The following NELL1 variants were observed in gnomAD, a reference collection of about 807,000 sequenced individuals.
NELL1 encodes neural EGFL like 1.
Under a neutral mutation model 107.4 loss-of-function variants are expected in NELL1, and 76 were observed. The ratio of observed to expected loss-of-function variants is 0.71; its 90% CI spans 0.59 to 0.86. The LOEUF is 0.86. NELL1 is among the 40% of genes least tolerant of loss of function. NELL1 has a pLI of 0.00. For synonymous variants in NELL1, 353 were observed against 341.2 expected, an observed-to-expected ratio of 1.03 and a Z score of -0.38; for missense variants, 1,024 against 1,005.5, an observed-to-expected ratio of 1.02 and a Z score of -0.25.
At chr11:21,106,037 G>A (rs1468440870) in intron 12 of NELL1, among the ~76,000 whole-genome samples, 1 of 144,668 alleles carries the variant, frequency 6.9e-6, no homozygotes, top group Non-Finnish European at 1.5e-5. Flanking sequence ...GTGATAACAT[G>A]CCTTAAGGCA....
At chr11:20,823,014 G>T (rs1216489281) in intron 3 of NELL1, among the ~76,000 whole-genome samples, 2 of 140,718 alleles carry the variant, frequency 1.4e-5, no homozygotes, top group African/African-American at 2.5e-5. Context: ...AGTGACAAGG[G>T]TCATAAATGA....
At chr11:20,706,953 A>G (rs758286281) in intron 2 of NELL1, among the ~76,000 whole-genome samples, 1 of 151,936 alleles carries the variant, frequency 6.6e-6, no homozygotes, top group African/African-American at 2.4e-5. Context: ...AGTTCTCCTG[A>G]AGAGTATTTT....
chr11:21,438,424 G>A lies in NELL1; in HGVS notation c.1645+67476G>A, dbSNP rs11826478. The stretch of plus-strand genomic sequence containing the variant: ...TCTCTTTGAATGTTACAGTTTGACC[G>A]AACTGTGACTCAGAGAGAACTTTTT... On this transcript the variant is annotated intron_variant, in intron 15 of 19. Transcript: ENST00000357134. 7.8e-3 allele frequency among the ~76,000 whole-genome samples: 1,184 copies of A among 152,164 alleles called. 14 individuals carry two copies. Among genetic ancestry groups the A allele is most frequent in the African/African-American group, 0.026 (1,081 of 41,526 alleles).
intron 14 of NELL1, among the ~76,000 whole-genome samples, chr11:21,311,203 C>G (rs1402765928): frequency 6.6e-6 from 1 of 152,250 alleles, no homozygotes; most frequent in East Asian, 1.9e-4. Context: ...TACTAAATAT[C>G]TCTTTAGTCA....
intron 13 of NELL1, among the ~76,000 whole-genome samples, chr11:21,119,663 G>A (rs1008071744): frequency 1.3e-5 from 2 of 152,042 alleles, no homozygotes; most frequent in African/African-American, 2.4e-5. Flanking sequence ...TTGAAATTGC[G>A]TTGTTTCTTG....
intron 5 of NELL1, among the ~76,000 whole-genome samples, chr11:20,912,945 G>A (rs779086761): frequency 5.9e-5 from 9 of 152,120 alleles, no homozygotes; most frequent in Admixed American, 2.0e-4. Context: ...ATATTTCTGT[G>A]CATTAAGACT....
chr11:21,429,758 T>G (rs1449446421), intron 15 of NELL1, among the ~76,000 whole-genome samples: 1 of 152,188 alleles, frequency 6.6e-6, no homozygotes, highest in Non-Finnish European at 1.5e-5. Flanking sequence ...GGAAAGTCCC[T>G]TGTCTATAAC....
intron 14 of NELL1, among the ~76,000 whole-genome samples, chr11:21,297,086 T>C (rs1178046093): frequency 6.6e-6 from 1 of 151,836 alleles, no homozygotes; most frequent in East Asian, 1.9e-4. Flanking sequence ...GGCATTTACA[T>C]TTTCTCCTAT....
At chr11:21,002,335 A>C (rs576580267) in intron 12 of NELL1, among the ~76,000 whole-genome samples, 2 of 78,772 alleles carry the variant, frequency 2.5e-5, no homozygotes, top group East Asian at 4.1e-4. Context: ...GTCTGTGCAG[A>C]TATTTGGACA....
chr11:21,213,792 A>T (rs1857555776), intron 13 of NELL1, among the ~76,000 whole-genome samples: 1 of 152,296 alleles, frequency 6.6e-6, no homozygotes, highest in South Asian at 2.1e-4. Context: ...CATAGGCAAA[A>T]AAATTAATCC....
At chr11:20,990,195 T>C (rs1851942004) in intron 12 of NELL1, among the ~76,000 whole-genome samples, 1 of 152,138 alleles carries the variant, frequency 6.6e-6, no homozygotes, top group Non-Finnish European at 1.5e-5. Context: ...GTCAGTAAGG[T>C]CTGTGGCAGG....
intron 12 of NELL1, among the ~76,000 whole-genome samples, chr11:21,087,100 A>G (rs1854413246): frequency 6.6e-6 from 1 of 152,172 alleles, no homozygotes; most frequent in Non-Finnish European, 1.5e-5. Context: ...CGGCCGCCCA[A>G]AGTGCTGGGA....
At chr11:21,167,762 A>G (rs1452157371) in intron 13 of NELL1, among the ~76,000 whole-genome samples, 1 of 151,658 alleles carries the variant, frequency 6.6e-6, no homozygotes, top group Non-Finnish European at 1.5e-5. Context: ...CCACATTTGC[A>G]CAAGCTATTC....
intron 2 of NELL1, among the ~76,000 whole-genome samples, chr11:20,780,107 C>G (rs1236802445): frequency 6.6e-6 from 1 of 152,184 alleles, no homozygotes; most frequent in Non-Finnish European, 1.5e-5. Context: ...TTACATTTCA[C>G]TCTAGTGAGT....
At chr11:21,504,214 G>C (rs1435039715) in intron 15 of NELL1, 4 of 152,124 alleles carry the variant, frequency 2.6e-5, no homozygotes, top group African/African-American at 9.7e-5. Flanking sequence ...TGGAAGCTAG[G>C]GTGCTTTTTC....
intron 14 of NELL1, among the ~76,000 whole-genome samples, chr11:21,231,199 C>A (rs1858040695): frequency 6.6e-6 from 1 of 152,126 alleles, no homozygotes; most frequent in South Asian, 2.1e-4. Flanking sequence ...AATATAGTAT[C>A]ATCAAATATC....
At chr11:21,472,385 G>A (rs552847220) in intron 15 of NELL1, among the ~76,000 whole-genome samples, 2 of 151,840 alleles carry the variant, frequency 1.3e-5, no homozygotes, top group African/African-American at 2.4e-5. Flanking sequence ...TAAAGATTTG[G>A]AGCACTACAA....
intron 2 of NELL1, among the ~76,000 whole-genome samples, chr11:20,725,746 G>A (rs1280951164): frequency 6.6e-6 from 1 of 152,104 alleles, no homozygotes; most frequent in Non-Finnish European, 1.5e-5. Flanking sequence ...GCTAGTTTTT[G>A]TTTATTTTTC....
At chr11:21,281,776 G>A (rs953559632) in intron 14 of NELL1, among the ~76,000 whole-genome samples, 2 of 152,130 alleles carry the variant, frequency 1.3e-5, no homozygotes, top group African/African-American at 4.8e-5. Flanking sequence ...TAATTCTTCC[G>A]GATCTCATCT....
Sources: allele counts gnomAD v4.1 joint callset (sites outside exome capture counted in the v4.1 genomes callset), GRCh38; gene constraint gnomAD v4.1.1; transcripts MANE v1.5; gene names NCBI Gene and HGNC (gene_info 2026-07-23, HGNC 2026-07-21).